The following DIAPH2 variants were observed in gnomAD, a reference collection of about 807,000 sequenced individuals.
DIAPH2 encodes diaphanous related formin 2.
In DIAPH2, 35 loss-of-function variants were observed where a neutral mutation model predicts 92.7. The observed-to-expected ratio is 0.38, with a 90% CI of 0.29 to 0.50. The LOEUF (loss-of-function observed/expected upper bound fraction) is 0.50, where lower values mean the gene tolerates loss of function less well. DIAPH2 is among the 20% of genes least tolerant of loss of function. The pLI, the probability that DIAPH2 is intolerant of heterozygous loss-of-function variation, is 0.94. For synonymous variants in DIAPH2, 301 were observed against 280.4 expected (o/e 1.07, Z -0.73); for missense variants, 701 against 819.5 (o/e 0.86, Z 1.77).
intron 17 of DIAPH2, among the ~76,000 whole-genome samples, chrX:97,025,203 A>T (rs923768169): frequency 8.1e-5 from 9 of 110,495 alleles, no homozygotes; most frequent in Non-Finnish European, 1.5e-4. Flanking sequence ...TACAAATATT[A>T]GCTGGGTATG....
At chrX:97,254,492 CA>C (rs1172020847) in intron 23 of DIAPH2, among the ~76,000 whole-genome samples, 2,341 of 29,028 alleles carry the variant, frequency 0.081, 21 homozygotes, top group African/African-American at 0.11. Context: ...AACTCTGTCT[CA>C]AAAAAAAAAA....
chrX:97,098,883 T>A (rs919059290), intron 19 of DIAPH2, among the ~76,000 whole-genome samples: 9 of 112,722 alleles, frequency 8.0e-5, no homozygotes, highest in Non-Finnish European at 1.5e-4. Flanking sequence ...TTCATAAGAA[T>A]CATCAAATTT....
rs1428498806 is a variant in DIAPH2, at chrX:96,958,113, C to A, written c.1900C>A (p.Pro634Thr). The change falls in exon 16 of 27, where the codon CCT becomes ACT. Residue 634 changes from proline to threonine, a missense_variant. By Grantham distance (38) the Pro-to-Thr change is conservative. This residue lies in a region of DIAPH2 where 536 missense variants were observed against 599.3 expected (regional missense o/e 0.89). Transcript: ENST00000324765. ...AATGAAGCAGAAAAAAATGTATAAACCTGAAGTGTCCATGAAGAGAATCAA... is the reference window on the plus strand; with the variant it reads ...AATGAAGCAGAAAAAAATGTATAAAACTGAAGTGTCCATGAAGAGAATCAA... ...YGMKQKKMYK[P>T]EVSMKRINWS... 5.0e-6 allele frequency: 6 copies of A among 1,207,576 alleles called. No individual in the cohort carries two copies. The highest frequency in any genetic ancestry group is 6.7e-6 in the Non-Finnish European group (6 of 893,955).
intron 18 of DIAPH2, among the ~76,000 whole-genome samples, chrX:97,074,568 A>G (rs1198419843): frequency 1.8e-5 from 2 of 112,183 alleles, no homozygotes; most frequent in African/African-American, 6.5e-5. Context: ...ATATGATATC[A>G]TAGATTTCCA....
intron 26 of DIAPH2, among the ~76,000 whole-genome samples, chrX:97,473,784 A>T (rs1203078055): frequency 1.8e-5 from 2 of 111,214 alleles, no homozygotes; most frequent in South Asian, 7.7e-4. Context: ...AACATGGTGA[A>T]ACCTGTCTGT....
chrX:97,181,755 T>C (rs1040567965), intron 22 of DIAPH2, among the ~76,000 whole-genome samples: 2 of 112,484 alleles, frequency 1.8e-5, no homozygotes, highest in South Asian at 3.6e-4. Flanking sequence ...ACATCCTCAT[T>C]CCAGTCCTAG....
At chrX:96,788,998 C>T (rs1033015640) in intron 4 of DIAPH2, among the ~76,000 whole-genome samples, 5 of 112,357 alleles carry the variant, frequency 4.5e-5, no homozygotes, top group Non-Finnish European at 9.4e-5. Flanking sequence ...AGCATTCCCA[C>T]TTTGGGGGAT....
At chrX:97,583,905 C>T (rs962973954) in intron 26 of DIAPH2, among the ~76,000 whole-genome samples, 3 of 111,704 alleles carry the variant, frequency 2.7e-5, no homozygotes, top group African/African-American at 6.5e-5. Context: ...TTCGGAAAAG[C>T]GCAGTATTCG....
chrX:97,233,457 G>A (rs764792248), intron 22 of DIAPH2, among the ~76,000 whole-genome samples: 2 of 112,343 alleles, frequency 1.8e-5, no homozygotes, highest in Non-Finnish European at 3.8e-5. Flanking sequence ...GCATGTGTGT[G>A]TGTTTGTGTG....
At chrX:96,990,409 C>T (rs930453258) in intron 17 of DIAPH2, among the ~76,000 whole-genome samples, 1 of 111,508 alleles carries the variant, frequency 9.0e-6, no homozygotes, top group East Asian at 2.8e-4. Flanking sequence ...TGCGCATTTC[C>T]GATTTTCACA....
chrX:97,422,616 A>G (rs902885575), intron 25 of DIAPH2, among the ~76,000 whole-genome samples: 1 of 111,827 alleles, frequency 8.9e-6, no homozygotes, highest in African/African-American at 3.2e-5. Flanking sequence ...CAAGGAGGCT[A>G]TAACAGTGAA....
chrX:96,851,931 T>A (rs2065008562), intron 4 of DIAPH2, among the ~76,000 whole-genome samples: 1 of 112,198 alleles, frequency 8.9e-6, no homozygotes, highest in African/African-American at 3.2e-5. Context: ...TTGTAAGAAT[T>A]CCACTGTAGA....
At chrX:96,906,173 T>C (rs2065432935) in intron 5 of DIAPH2, among the ~76,000 whole-genome samples, 1 of 112,241 alleles carries the variant, frequency 8.9e-6, no homozygotes, top group Non-Finnish European at 1.9e-5. Context: ...ATTTAAATTA[T>C]AAAGTCTGGC....
chrX:97,519,332 T>C (rs915938639), intron 26 of DIAPH2, among the ~76,000 whole-genome samples: 3 of 111,619 alleles, frequency 2.7e-5, no homozygotes, highest in African/African-American at 9.7e-5. Context: ...CTCCGTTGCA[T>C]TGAAAACATC....
At chrX:97,505,389 G>A (rs1452415007) in intron 26 of DIAPH2, among the ~76,000 whole-genome samples, 5 of 112,042 alleles carry the variant, frequency 4.5e-5, no homozygotes, top group African/African-American at 1.6e-4. Context: ...AAACACAGCT[G>A]GAAGCAAGGA....
At chrX:96,840,624 T>A (rs1178132344) in intron 4 of DIAPH2, among the ~76,000 whole-genome samples, 1 of 110,794 alleles carries the variant, frequency 9.0e-6, no homozygotes. Flanking sequence ...TATTATTATT[T>A]TTGAGACGGA....
At chrX:96,797,504 T>A (rs2064549580) in intron 4 of DIAPH2, among the ~76,000 whole-genome samples, 1 of 110,962 alleles carries the variant, frequency 9.0e-6, no homozygotes, top group African/African-American at 3.3e-5. Flanking sequence ...AAAAAGAGGT[T>A]TAATTGGCTC....
At chrX:97,005,915 T>C (rs1377839389) in intron 17 of DIAPH2, among the ~76,000 whole-genome samples, 2 of 106,700 alleles carry the variant, frequency 1.9e-5, no homozygotes, top group Admixed American at 1.0e-4. Flanking sequence ...TTTCTTTTTT[T>C]TTTTTTTTTT....
rs187049513 is a variant in DIAPH2 at position 97,154,301 on chromosome X, A to C, written c.2719+12507A>C. On this transcript the variant is annotated intron_variant, in intron 22 of 26. Transcript: ENST00000324765. ...ATGAATAAGAGCGAATATTTTTTCT[A>C]CTTCCGTGTCTCTTGTTCTTTCCAC... Among the ~76,000 whole-genome samples the C allele has an allele frequency of 8.4e-3, 937 of 111,649 alleles. 10 individuals carry two copies. The highest frequency in any genetic ancestry group is 0.03 in the African/African-American group (912 of 30,797).
Sources: allele counts gnomAD v4.1 joint callset (sites outside exome capture counted in the v4.1 genomes callset), GRCh38; gene constraint gnomAD v4.1.1; regional missense constraint gnomAD v4.1.1; transcripts MANE v1.5; gene names NCBI Gene and HGNC (gene_info 2026-07-23, HGNC 2026-07-21).